PUM1: variants seen among roughly 807,000 people sequenced by gnomAD.
PUM1 encodes the protein pumilio RNA binding family member 1.
A neutral mutation model predicts 131.8 loss-of-function variants in PUM1; 13 were observed. The ratio of observed to expected loss-of-function variants is 0.10; its 90% confidence interval spans 0.06 to 0.16. PUM1 has a LOEUF of 0.16. PUM1 is among the 10% of genes least tolerant of loss of function. The pLI is 1.00. For missense variants in PUM1, 961 were observed against 1,512.4 expected, an observed-to-expected ratio of 0.64 and a Z score of 6.05; for synonymous variants, 509 against 556.5, an observed-to-expected ratio of 0.91 and a Z score of 1.20.
chr1:30,961,686 C>T (rs893249414), intron 14 of PUM1, among the ~76,000 whole-genome samples: 1 of 152,094 alleles, frequency 6.6e-6, no homozygotes, highest in African/African-American at 2.4e-5. Flanking sequence ...GATACTAACA[C>T]ATATCTGCCT....
chr1:30,951,158 A>C (rs908351893), intron 16 of PUM1, among the ~76,000 whole-genome samples: 2 of 152,222 alleles, frequency 1.3e-5, no homozygotes, highest in Admixed American at 6.5e-5. Context: ...AAGGGAAACT[A>C]AGATCCAGAG....
intron 2 of PUM1, among the ~76,000 whole-genome samples, chr1:31,055,533 G>T (rs1370775515): frequency 6.6e-6 from 1 of 152,178 alleles, no homozygotes; most frequent in Non-Finnish European, 1.5e-5. Flanking sequence ...ACTACCCTGA[G>T]TTCCCCAACG....
chr1:30,954,875 C>A (rs997512404), intron 14 of PUM1, among the ~76,000 whole-genome samples: 2 of 151,656 alleles, frequency 1.3e-5, no homozygotes, highest in African/African-American at 2.4e-5. Context: ...CCAGCCTGGA[C>A]AACAGAGAGA....
chr1:31,006,608 G>A (rs1024806632), intron 4 of PUM1, among the ~76,000 whole-genome samples: 3 of 152,226 alleles, frequency 2.0e-5, no homozygotes, highest in Admixed American at 6.5e-5. Context: ...TCCCAATCAC[G>A]TTTAAAGATA....
At chr1:31,037,555 CTAAAAA>C (rs1249663784) in intron 2 of PUM1, among the ~76,000 whole-genome samples, 1 of 151,960 alleles carries the variant, frequency 6.6e-6, no homozygotes, top group Non-Finnish European at 1.5e-5. Flanking sequence ...CCTGCCTCTA[CTAAAAA>C]TACAAAAAAT....
intron 16 of PUM1, among the ~76,000 whole-genome samples, chr1:30,950,888 C>T (rs1639906483): frequency 6.6e-6 from 1 of 152,202 alleles, no homozygotes; most frequent in African/African-American, 2.4e-5. Context: ...ACTCTTACTG[C>T]CAAAGCACAC....
chr1:31,059,050 A>G (rs1385182580), intron 2 of PUM1, among the ~76,000 whole-genome samples, 154 bp downstream of exon 2: 1 of 152,258 alleles, frequency 6.6e-6, no homozygotes, highest in African/African-American at 2.4e-5. Flanking sequence ...ACCCAGTAAC[A>G]GTATTACAAT....
chr1:30,975,915 T>A (rs1415200727), intron 9 of PUM1, among the ~76,000 whole-genome samples: 1 of 151,718 alleles, frequency 6.6e-6, no homozygotes, highest in African/African-American at 2.4e-5. Flanking sequence ...AAACCCCATC[T>A]CTACTAAAAA....
rs1304385154 is a variant in PUM1, at chr1:30,980,183, C to G, written c.1253-20G>C. 6.3e-7 allele frequency: 1 copy of G among 1,599,082 alleles called. No individual in the cohort carries two copies. Among genetic ancestry groups the G allele is most frequent in the Non-Finnish European group, 8.6e-7 (1 of 1,167,572 alleles). ...CTAAACCTGCTGAAAACATACCTGT[C>G]AGTAAAAACAAACTTGACTAAAACT... On this transcript the variant is annotated intron_variant, in intron 8 of 21. Coordinates refer to ENST00000426105, the MANE Select transcript of PUM1 (RefSeq NM_001020658.2).
chr1:31,064,032 T>C (rs1416998199), intron 1 of PUM1, among the ~76,000 whole-genome samples: 1 of 152,210 alleles, frequency 6.6e-6, no homozygotes, highest in Non-Finnish European at 1.5e-5. Flanking sequence ...ATAAGTACTT[T>C]AAGCAACTAG....
At chr1:31,023,311 C>T (rs1012651335) in intron 3 of PUM1, among the ~76,000 whole-genome samples, 3 of 152,132 alleles carry the variant, frequency 2.0e-5, no homozygotes, top group Admixed American at 2.0e-4. Flanking sequence ...ATTTTGCTGG[C>T]AGACATCTTT....
At chr1:30,997,159 C>T (rs1642008535) in intron 5 of PUM1, among the ~76,000 whole-genome samples, 1 of 152,164 alleles carries the variant, frequency 6.6e-6, no homozygotes, top group Non-Finnish European at 1.5e-5. Flanking sequence ...AAATCACTGG[C>T]TCAGAAGAAA....
At chr1:30,987,019 T>C (rs533733468) in intron 7 of PUM1, among the ~76,000 whole-genome samples, 1 of 152,312 alleles carries the variant, frequency 6.6e-6, no homozygotes, top group Non-Finnish European at 1.5e-5. Context: ...TTAAAATTCA[T>C]GCTTAACAGA....
chr1:30,953,003 C>CA (rs199788878), intron 15 of PUM1, among the ~76,000 whole-genome samples: 5,567 of 151,404 alleles, frequency 0.037, 359 homozygotes, highest in African/African-American at 0.13. Context: ...CAAAACAAAA[C>CA]AAAAAAACAA....
At chr1:30,996,216 G>A (rs1488458422) in intron 5 of PUM1, among the ~76,000 whole-genome samples, 2 of 152,146 alleles carry the variant, frequency 1.3e-5, no homozygotes, top group Non-Finnish European at 1.5e-5. Context: ...TTTTCCCCAC[G>A]ACTGACTCCT....
chr1:31,040,751 TAATA>T (rs1483719988), intron 2 of PUM1, among the ~76,000 whole-genome samples: 1 of 151,398 alleles, frequency 6.6e-6, no homozygotes. Context: ...CTAAAACTAA[TAATA>T]AATTTAAAAT....
chr1:30,944,401 A>T (rs1639585606), intron 18 of PUM1, among the ~76,000 whole-genome samples: 1 of 152,178 alleles, frequency 6.6e-6, no homozygotes, highest in African/African-American at 2.4e-5. Flanking sequence ...TTGGAAAAAA[A>T]CAAAACAAAC....
At position 30,967,196 on chromosome 1, in the gene PUM1, A is replaced by G; in HGVS notation, c.1760T>C (p.Val587Ala). The G allele has an allele frequency of 6.2e-7, 1 of 1,614,156 alleles. No homozygotes were observed. The highest frequency in any genetic ancestry group is 8.5e-7 in the Non-Finnish European group (1 of 1,180,012). Residue 587 changes from valine (V) to alanine (A), a missense_variant, in exon 12 of 22, where the codon GTC becomes GCC. Transcript: ENST00000426105. ...APVRLVAPAP[V>A]IISSSAAQAA... ...TTGTGCAGCTGAGGAACTAATGATG[A>G]CTGGGGCAGGAGCTACAAGTCGAAC...
At chr1:30,968,064 A>C (rs1022473712) in intron 11 of PUM1, 3 of 498,158 alleles carry the variant, frequency 6.0e-6, no homozygotes, top group African/African-American at 5.7e-5. Flanking sequence ...TGGCCACTCC[A>C]TCTATCCCTG....
Sources: allele counts gnomAD v4.1 joint callset (sites outside exome capture counted in the v4.1 genomes callset), GRCh38; gene constraint gnomAD v4.1.1; transcripts MANE v1.5; gene names NCBI Gene and HGNC (gene_info 2026-07-23, HGNC 2026-07-21).